The following DMD variants were observed in gnomAD, a reference collection of about 807,000 sequenced individuals.
DMD encodes the protein mutant dystrophin.
DMD carries 63 observed loss-of-function variants against 330.1 expected under a neutral mutation model. That is an observed-to-expected ratio of 0.19 (90% CI 0.16 to 0.24). DMD has a LOEUF of 0.24. DMD is among the 10% of genes least tolerant of loss of function. DMD has a pLI of 1.00. For synonymous variants in DMD, 1,223 were observed against 959.8 expected, an observed-to-expected ratio of 1.27 and a Z score of -5.07; for missense variants, 3,344 against 2,684.1, an observed-to-expected ratio of 1.25 and a Z score of -5.43.
chrX:32,647,970 T>C (rs920613083), intron 9 of DMD, among the ~76,000 whole-genome samples: 5 of 112,042 alleles, frequency 4.5e-5, no homozygotes, highest in Admixed American at 2.9e-4. Flanking sequence ...TTCTTAAAAA[T>C]CATTAACTAT....
At chrX:31,494,680 C>T (rs1225238753) in intron 57 of DMD, among the ~76,000 whole-genome samples, 1 of 111,763 alleles carries the variant, frequency 8.9e-6, no homozygotes, top group Non-Finnish European at 1.9e-5. Flanking sequence ...TAACAAGCAA[C>T]CAAAACTAAT....
intron 16 of DMD, among the ~76,000 whole-genome samples, chrX:32,554,846 G>A (rs1241221205): frequency 1.7e-5 from 1 of 59,050 alleles, no homozygotes; most frequent in Non-Finnish European, 3.8e-5. Flanking sequence ...GAGAGAGAGA[G>A]AGAGAGAGAG....
At chrX:31,323,488 A>G in intron 62 of DMD, 110 bp downstream of exon 62, 5 of 652,017 alleles carry the variant, frequency 7.7e-6, no homozygotes, top group Non-Finnish European at 1.2e-5. Context: ...AAAAAAAGAC[A>G]CAGGTATTGT....
chrX:33,332,721 T>C (rs1274281480), intron 1 of DMD, among the ~76,000 whole-genome samples: 1 of 111,802 alleles, frequency 8.9e-6, no homozygotes, highest in Non-Finnish European at 1.9e-5. Flanking sequence ...GTCAAATAAA[T>C]GGAAAATCAA....
chrX:32,334,090 A>G (rs1312170639), intron 41 of DMD, among the ~76,000 whole-genome samples: 1 of 111,564 alleles, frequency 9.0e-6, no homozygotes, highest in Admixed American at 9.6e-5. Flanking sequence ...ATGCTACACA[A>G]CTAGACACTA....
Position 33,098,781 on chromosome X carries a change from A to G in DMD, c.32-78581T>C, listed in dbSNP as rs768657349. 2.7e-5 allele frequency among the ~76,000 whole-genome samples: 3 copies of G among 111,759 alleles called. No individual in the cohort carries two copies. The East Asian group carries it at 8.5e-4, about 32-fold the overall frequency. ...GAACAAAGGAGACAGGGTCATTTATAACCTGACATGTTTACTCTACTGCTG... is the reference window on the plus strand; with the variant it reads ...GAACAAAGGAGACAGGGTCATTTATGACCTGACATGTTTACTCTACTGCTG... On this transcript the variant is annotated intron_variant, in intron 1 of 78. Coordinates refer to ENST00000357033, the MANE Select transcript of DMD (RefSeq NM_004006.3).
intron 16 of DMD, among the ~76,000 whole-genome samples, chrX:32,557,218 C>T (rs992398943): frequency 3.6e-5 from 4 of 111,553 alleles, no homozygotes; most frequent in African/African-American, 1.3e-4. Context: ...AATGTTCATT[C>T]ATCCAACTCT....
At chrX:32,073,918 A>G (rs911967256) in intron 44 of DMD, among the ~76,000 whole-genome samples, 1 of 111,606 alleles carries the variant, frequency 9.0e-6, no homozygotes, top group African/African-American at 3.2e-5. Flanking sequence ...TTTCATAATG[A>G]TATTAAAGTA....
In DMD at chrX:31,574,679, CT is replaced by C. The variant is rs200862205; in HGVS notation, c.8217+52993del. ...CTTCTCTGGGAGTTTAACAACTCTA[CT>C]TTTTTTTCCCTCATTTAATTATAAC... is the stretch of plus-strand genomic sequence containing the variant. On this transcript the variant is annotated intron_variant, in intron 55 of 78. Coordinates refer to ENST00000357033, the MANE Select transcript of DMD (RefSeq NM_004006.3). Among the ~76,000 whole-genome samples, 150 of 110,955 alleles carry C rather than the reference CT, an allele frequency of 1.4e-3. 1 individual carries two copies. In the East Asian group the frequency reaches 0.016, roughly 12 times the overall value.
chrX:32,235,635 A>G, intron 43 of DMD, among the ~76,000 whole-genome samples: 1 of 111,871 alleles, frequency 8.9e-6, no homozygotes, highest in South Asian at 3.7e-4. Flanking sequence ...TAGAGGCCAA[A>G]AGGGGGTGTA....
chrX:31,855,438 T>G (rs752644940), intron 48 of DMD, among the ~76,000 whole-genome samples: 2 of 112,413 alleles, frequency 1.8e-5, no homozygotes, highest in Admixed American at 9.4e-5. Flanking sequence ...ACATGGTTCT[T>G]TAAGTCTTAA....
intron 1 of DMD, among the ~76,000 whole-genome samples, chrX:33,228,278 A>AGTGT (rs60369848): frequency 0.032 from 3,012 of 93,442 alleles, 127 homozygotes; most frequent in African/African-American, 0.11. Flanking sequence ...CCCAAGTTTA[A>AGTGT]GTGTGTGTGT....
intron 1 of DMD, among the ~76,000 whole-genome samples, chrX:33,161,467 A>C (rs1411870308): frequency 8.9e-6 from 1 of 111,979 alleles, no homozygotes; most frequent in East Asian, 2.8e-4. Context: ...GGAACCAGAA[A>C]GGGTGATATT....
intron 2 of DMD, among the ~76,000 whole-genome samples, chrX:32,903,593 G>A (rs1036131072): frequency 1.8e-5 from 2 of 111,532 alleles, no homozygotes; most frequent in Non-Finnish European, 3.8e-5. Flanking sequence ...CTTGGGTGGA[G>A]CCTGGTGATT....
At chrX:32,509,772 C>G (rs2148745351) in intron 18 of DMD, among the ~76,000 whole-genome samples, 1 of 111,946 alleles carries the variant, frequency 8.9e-6, no homozygotes, top group Non-Finnish European at 1.9e-5. Context: ...ACCTTTCCTC[C>G]ATCTCCTTTG....
chrX:32,501,726 A>C (rs775232604), intron 19 of DMD, 29 bp downstream of exon 19: 6 of 1,099,982 alleles, frequency 5.5e-6, no homozygotes, highest in Non-Finnish European at 6.3e-6. Context: ...ATCCCTAAGA[A>C]GATTATCTAA....
At chrX:32,885,827 G>GAGAAAA (rs1557115362) in intron 2 of DMD, among the ~76,000 whole-genome samples, 3 of 64,936 alleles carry the variant, frequency 4.6e-5, no homozygotes, top group African/African-American at 1.7e-4. Flanking sequence ...CCTTGAGGGG[G>GAGAAAA]AAAAAAAAAA....
rs1314312323 is a variant in DMD, at chrX:32,428,545, G to A, written c.4071+9696C>T. ...TCTCCCACCATGCTGATATAGTTGT[G>A]TATTTCTTCTTGTTATTCTGTGGAT... On this transcript the variant is annotated intron_variant, in intron 29 of 78. Coordinates refer to ENST00000357033, the MANE Select transcript of DMD (RefSeq NM_004006.3). 5.4e-5 allele frequency among the ~76,000 whole-genome samples: 6 copies of A among 111,856 alleles called. No homozygotes were observed. In the East Asian group the frequency reaches 1.1e-3, roughly 21 times the overall value.
rs746997947 is a variant in DMD, at chrX:33,086,456, G to A, written c.32-66256C>T. Reference sequence around the variant, plus strand: ...TAATATAGATTTCAAAGCAACACCTGTTAATAACATATGTTCCCATTTTAA... The same window carrying A: ...TAATATAGATTTCAAAGCAACACCTATTAATAACATATGTTCCCATTTTAA... On this transcript the variant is annotated intron_variant, in intron 1 of 78. Coordinates refer to ENST00000357033, the MANE Select transcript of DMD (RefSeq NM_004006.3). Among the ~76,000 whole-genome samples the A allele has an allele frequency of 3.2e-3, 360 of 111,484 alleles. 2 individuals are homozygous for A. The highest frequency in any genetic ancestry group is 0.011 in the African/African-American group (334 of 30,849).
Sources: allele counts gnomAD v4.1 joint callset (sites outside exome capture counted in the v4.1 genomes callset), GRCh38; gene constraint gnomAD v4.1.1; transcripts MANE v1.5; gene names NCBI Gene and HGNC (gene_info 2026-07-23, HGNC 2026-07-21).